The following CHTOP variants were observed in gnomAD, a reference collection of about 807,000 sequenced individuals.
CHTOP encodes chromatin target of PRMT1.
Under a neutral mutation model 33.6 loss-of-function variants are expected in CHTOP, and 18 were observed. The ratio of observed to expected loss-of-function variants is 0.54; its 90% CI spans 0.37 to 0.80. CHTOP has a LOEUF of 0.80. CHTOP is among the 30% of genes least tolerant of loss of function. The probability of loss-of-function intolerance (pLI) is 0.00; values close to 1 mark genes in which losing one functional copy is unlikely to be tolerated. For synonymous variants in CHTOP, 117 were observed against 127.7 expected (o/e 0.92, Z 0.56); for missense variants, 263 against 336.8 (o/e 0.78, Z 1.71).
rs914405298 is a variant in CHTOP at position 153,634,200 on chromosome 1, A to G, written c.-161A>G. The G allele has an allele frequency of 3.9e-5, 6 of 152,762 alleles. No homozygotes were observed. Among genetic ancestry groups the G allele is most frequent in the Non-Finnish European group, 4.4e-5 (3 of 68,098 alleles). The allele number at this position is 152,762 out of a possible 1,614,324, so 9.5% of individuals were successfully genotyped here. Reference sequence around the variant, plus strand: ...ACCAGCAACAACGAACTGAGCTCGCATACTACCGCTTACGCATCTAACCAA... The same window carrying G: ...ACCAGCAACAACGAACTGAGCTCGCGTACTACCGCTTACGCATCTAACCAA... On this transcript the variant is annotated 5_prime_UTR_variant, in exon 1 of 6. Coordinates refer to ENST00000368694, the MANE Select transcript of CHTOP (RefSeq NM_015607.4).
intron 5 of CHTOP, chr1:153,644,210 A>C (rs1466013119): frequency 6.6e-6 from 1 of 152,218 alleles, no homozygotes; most frequent in Non-Finnish European, 1.5e-5. Context: ...TAGGAAAGAA[A>C]AGTTGATAAC....
Position 153,643,229 on chromosome 1 carries a change from C to G in CHTOP, c.406C>G (p.Gln136Glu). 1 of 1,614,110 alleles carries G rather than the reference C, an allele frequency of 6.2e-7. No individual in the cohort carries two copies. Among genetic ancestry groups the G allele is most frequent in the South Asian group, 1.1e-5 (1 of 91,064 alleles). Residue 136 changes from glutamine to glutamate, a missense_variant and splice_region_variant, in exon 5 of 6, where the codon CAA (glutamine) becomes GAA (glutamate). Gln to Glu is a conservative substitution (Grantham distance 29). Around this residue, in one of 3 missense-constraint regions of CHTOP, gnomAD observed 168 missense variants for 179.9 expected, o/e 0.93. Coordinates refer to ENST00000368694, the MANE Select transcript of CHTOP (RefSeq NM_015607.4). The stretch of plus-strand genomic sequence containing the variant: ...ACATTGTATGCCTCCTCTCTAAGGT[C>G]AAAACCTGCTCCGAGGTGGACGAGC... Reference protein sequence around the residue: ...LLRGGMSLRGQNLLRGGRAVA... With the variant: ...LLRGGMSLRGENLLRGGRAVA...
rs983243106 is a variant in CHTOP, at chr1:153,638,461, G to T, written c.219+13G>T. 3.7e-5 allele frequency: 60 copies of T among 1,613,988 alleles called. No individual in the cohort carries two copies. Among genetic ancestry groups the T allele is most frequent in the Non-Finnish European group, 4.8e-5 (57 of 1,179,996 alleles). ...AAAACTTAAGCAGGTGAGAGAATGG[G>T]TCTTAATGCTCCAGAAGCAGCTGGT... On this transcript the variant is annotated intron_variant, in intron 3 of 5. Coordinates refer to ENST00000368694, the MANE Select transcript of CHTOP (RefSeq NM_015607.4).
At chr1:153,644,345 G>T (rs1004339882) in intron 5 of CHTOP, 1 of 152,218 alleles carries the variant, frequency 6.6e-6, no homozygotes, top group South Asian at 2.1e-4. Context: ...GAGACATCAC[G>T]AGGGTGGGAG....
intron 1 of CHTOP, among the ~76,000 whole-genome samples, chr1:153,634,905 G>A (rs1354489051): frequency 6.6e-6 from 1 of 151,172 alleles, no homozygotes; most frequent in African/African-American, 2.4e-5. Context: ...CCAGGCTGGA[G>A]TGCAATGGCA....
chr1:153,639,922 C>T (rs948231888), intron 3 of CHTOP, among the ~76,000 whole-genome samples: 4 of 152,058 alleles, frequency 2.6e-5, no homozygotes, highest in Non-Finnish European at 2.9e-5. Flanking sequence ...TACAGGCGCC[C>T]GCCACCACAC....
At chr1:153,636,189 A>G (rs1369555988) in intron 1 of CHTOP, among the ~76,000 whole-genome samples, 1 of 151,056 alleles carries the variant, frequency 6.6e-6, no homozygotes, top group African/African-American at 2.4e-5. Context: ...TTGCCCTCCC[A>G]AAGTGTTAGG....
intron 4 of CHTOP, chr1:153,642,851 A>G (rs1051952217): frequency 3.8e-6 from 1 of 266,110 alleles, no homozygotes; most frequent in Non-Finnish European, 7.2e-6. Flanking sequence ...ATATATGTTC[A>G]TTTGGGGCAC....
chr1:153,642,295 G>A lies in CHTOP; in HGVS notation c.269G>A (p.Arg90Gln), dbSNP rs377762013. The change falls in exon 4 of 6, where the codon CGA becomes CAA. Residue 90 changes from arginine (R) to glutamine (Q), a missense_variant. Arg to Gln is a conservative substitution (Grantham distance 43). Coordinates refer to ENST00000368694, the MANE Select transcript of CHTOP (RefSeq NM_015607.4). ...GKSNIQARLG[R>Q]PIGALARGAI... ...AGTAACATCCAGGCACGGTTAGGCC[G>A]ACCCATAGGGGCCCTGGCCAGGGGA... is the stretch of plus-strand genomic sequence containing the variant. 62 of 1,613,966 alleles carry A rather than the reference G, an allele frequency of 3.8e-5. No homozygotes were observed. Among genetic ancestry groups the A allele is most frequent in the Non-Finnish European group, 4.7e-5 (55 of 1,179,990 alleles).
Position 153,636,621 on chromosome 1 carries a change from A to T in CHTOP, c.33A>T (p.Leu11=). Reference sequence around the variant, plus strand: ...CACAGTCAGCGCCGAAAGTTGTGCTAAAAAGCACCACCAAGATGTCTCTAA... The same window carrying T: ...CACAGTCAGCGCCGAAAGTTGTGCTTAAAAGCACCACCAAGATGTCTCTAA... The part of the protein sequence containing the change: MAAQSAPKVV[L]KSTTKMSLNE... The change falls in exon 2 of 6, where the codon CTA becomes CTT. Residue 11 remains leucine, a synonymous_variant. Transcript: ENST00000368694. 1 of 1,613,730 alleles carries T rather than the reference A, an allele frequency of 6.2e-7. No homozygotes were observed. Among genetic ancestry groups the T allele is most frequent in the Non-Finnish European group, 8.5e-7 (1 of 1,179,652 alleles).
rs550167537 is a variant in CHTOP, at chr1:153,641,606, T to C, written c.220-640T>C. ...CAAGTGCAGGCATGGAATTAGGGAT[T>C]TTTAAGAAATGTAAGGAAAGGAGAT... On this transcript the variant is annotated intron_variant, in intron 3 of 5. Coordinates refer to ENST00000368694, the MANE Select transcript of CHTOP (RefSeq NM_015607.4). 2.6e-5 allele frequency among the ~76,000 whole-genome samples: 4 copies of C among 152,340 alleles called. No individual in the cohort carries two copies. In the South Asian group the frequency reaches 8.3e-4, roughly 32 times the overall value.
Position 153,642,202 on chromosome 1 carries a change from T to C in CHTOP, c.220-44T>C, listed in dbSNP as rs762456236. Reference sequence around the variant, plus strand: ...CTTTGAGTTGCCAAATCCTGTTGGATTGCTTTTTTGATCTCAATCCCCTAA... The same window carrying C: ...CTTTGAGTTGCCAAATCCTGTTGGACTGCTTTTTTGATCTCAATCCCCTAA... On this transcript the variant is annotated intron_variant, in intron 3 of 5. Transcript: ENST00000368694. 6 of 1,539,588 alleles carry C rather than the reference T, an allele frequency of 3.9e-6. No individual in the cohort carries two copies. The African/African-American group carries it at 5.5e-5, about 14-fold the overall frequency.
Position 153,645,331 on chromosome 1 carries a change from A to G in CHTOP, c.*62A>G, listed in dbSNP as rs1668775487. ...CAACACATCTGTAAATAACCTTGAGATAACAGATGAGAAGAAATCTGATTG... is the reference window on the plus strand; with the variant it reads ...CAACACATCTGTAAATAACCTTGAGGTAACAGATGAGAAGAAATCTGATTG... On this transcript the variant is annotated 3_prime_UTR_variant, in exon 6 of 6. Transcript: ENST00000368694. 3.3e-6 allele frequency: 5 copies of G among 1,506,030 alleles called. No homozygotes were observed. The South Asian group carries it at 5.8e-5, about 18-fold the overall frequency. The allele number at this position is 1,506,030 out of a possible 1,614,324, so 93.3% of individuals were successfully genotyped here. A position where few individuals can be genotyped will look rare whatever the true frequency, so the allele number is the denominator to read the frequency against.
chr1:153,645,267 TG>T lies in CHTOP; in HGVS notation c.746del (p.Ter249=), dbSNP rs1362444752. ...GCAGACAGATCCCGAAACCAATGAT[TG>T]AAGCCTGCCCATCCTCCCATGAGAG... ...MAQTDPETND[*>X] On this transcript the variant is annotated frameshift_variant and stop_lost, in exon 6 of 6. Transcript: ENST00000368694. LOFTEE classifies it high-confidence loss of function. The T allele has an allele frequency of 8.7e-6, 14 of 1,614,140 alleles. No homozygotes were observed. Among genetic ancestry groups the T allele is most frequent in the Non-Finnish European group, 7.6e-6 (9 of 1,180,006 alleles).
intron 1 of CHTOP, among the ~76,000 whole-genome samples, chr1:153,635,684 A>T (rs948992274): frequency 6.6e-6 from 1 of 151,912 alleles, no homozygotes; most frequent in Non-Finnish European, 1.5e-5. Flanking sequence ...TTAGCCGGGC[A>T]TGGTGGCACG....
At position 153,636,409 on chromosome 1, in the gene CHTOP, C is replaced by CAA. The variant is rs35357072; in HGVS notation, c.-17-148_-17-147dup. On this transcript the variant is annotated intron_variant, in intron 1 of 5. Transcript: ENST00000368694. Reference sequence around the variant, plus strand: ...TGAGTGACAGAGCGAGACCCTGTCTCAAAAAAAAAAAAAAAAGAAATTTAA... The same window carrying CAA: ...TGAGTGACAGAGCGAGACCCTGTCTCAAAAAAAAAAAAAAAAAAGAAATTTAA... Among the ~76,000 whole-genome samples, 111 of 122,578 alleles carry CAA rather than the reference C, an allele frequency of 9.1e-4. 1 individual carries two copies. The highest frequency in any genetic ancestry group is 1.8e-3 in the South Asian group (7 of 3,842). 80.4% of individuals were successfully genotyped at this position (122,578 alleles called of 152,430 possible).
At chr1:153,640,921 G>A (rs919490623) in intron 3 of CHTOP, among the ~76,000 whole-genome samples, 2 of 152,192 alleles carry the variant, frequency 1.3e-5, no homozygotes, top group Admixed American at 6.5e-5. Flanking sequence ...GGATTGGAAT[G>A]GGTAAAGAAC....
At chr1:153,642,612 T>C (rs1205828015) in intron 4 of CHTOP, 183 bp downstream of exon 4, 4 of 477,358 alleles carry the variant, frequency 8.4e-6, no homozygotes, top group African/African-American at 2.0e-5. Context: ...TTTCTGATAA[T>C]GTGCAATGGT....
At chr1:153,639,444 A>G (rs1571317367) in intron 3 of CHTOP, 1 of 974,310 alleles carries the variant, frequency 1.0e-6, no homozygotes, top group Non-Finnish European at 1.2e-6. Flanking sequence ...GGGCAGTGCC[A>G]TGCAACTGTA....
Sources: gnomAD v4.1 joint callset for allele counts (sites outside exome capture counted in the v4.1 genomes callset) on GRCh38, gnomAD v4.1.1 for gene constraint, gnomAD v4.1.1 regional missense constraint, MANE v1.5 for transcripts, NCBI Gene and HGNC (gene_info 2026-07-23, HGNC 2026-07-21) for gene names.